The following MRC2 variants were observed in gnomAD, a reference collection of about 807,000 sequenced individuals.
MRC2 encodes the protein C-type mannose receptor 2.
In MRC2, 84 loss-of-function variants were observed where a neutral mutation model predicts 206.2. The ratio of observed to expected loss-of-function variants is 0.41; its 90% CI spans 0.34 to 0.49. The LOEUF is 0.49. Among genes scored for constraint, MRC2 ranks in the 20% least tolerant of loss-of-function variants. The pLI is 0.31. For missense variants in MRC2, 1,676 were observed against 2,001.5 expected (o/e 0.84, Z 3.10); for synonymous variants, 798 against 800.0 (o/e 1.00, Z 0.04).
chr17:62,657,202 A>T (rs1188405298), intron 1 of MRC2, among the ~76,000 whole-genome samples: 1 of 152,332 alleles, frequency 6.6e-6, no homozygotes, highest in South Asian at 2.1e-4. Context: ...ACAGATTGTT[A>T]TCGTTGCCAT....
At position 62,664,656 on chromosome 17, in the gene MRC2, G is replaced by A. The variant is rs773366861; in HGVS notation, c.227G>A (p.Arg76His). Residue 76 changes from arginine (R) to histidine (H), a missense_variant, in exon 2 of 30, where the codon CGC becomes CAC. This residue lies in a region of MRC2 where 318 missense variants were observed against 346.7 expected (regional missense o/e 0.92). Coordinates refer to ENST00000303375, the MANE Select transcript of MRC2 (RefSeq NM_006039.5). This position sits in a 1 kb window ranked among gnomAD's most constrained non-coding sequence, Gnocchi z 4.7. ...PACNTSLPAQRWKWVSRNRLF... is the reference protein window; with the variant it reads ...PACNTSLPAQHWKWVSRNRLF... ...TGCAATACCAGCCTCCCTGCCCAGC[G>A]CTGGAAGTGGGTCTCCCGAAACCGG... The A allele has an allele frequency of 2.8e-5, 45 of 1,613,658 alleles. No homozygotes were observed. In the South Asian group the frequency reaches 3.7e-4, roughly 13 times the overall value.
At chr17:62,645,418 A>G in intron 1 of MRC2, among the ~76,000 whole-genome samples, 1 of 148,524 alleles carries the variant, frequency 6.7e-6, no homozygotes, top group East Asian at 2.0e-4. Flanking sequence ...AAATATATAT[A>G]TATGTGATAT....
intron 23 of MRC2, 113 bp from the exon 24 acceptor site, chr17:62,689,409 G>A (rs376582846): frequency 4.3e-5 from 30 of 693,404 alleles, no homozygotes; most frequent in East Asian, 1.1e-4. Flanking sequence ...GCCAAGCGCC[G>A]AGTCTGGTGG....
chr17:62,658,290 AC>A (rs1388060934), intron 1 of MRC2, among the ~76,000 whole-genome samples: 1 of 152,010 alleles, frequency 6.6e-6, no homozygotes, highest in Non-Finnish European at 1.5e-5. Context: ...GAGGGGAGGG[AC>A]GGTGCTGCGA....
intron 20 of MRC2, 94 bp from the exon 21 acceptor site, chr17:62,688,195 C>G (rs1053095641): frequency 1.8e-6 from 2 of 1,084,820 alleles, no homozygotes; most frequent in Admixed American, 2.0e-5. Context: ...CAAAGGCCCC[C>G]CAGGACCTGC....
intron 8 of MRC2, 109 bp from the exon 9 acceptor site, chr17:62,673,952 TCA>T: frequency 2.4e-6 from 2 of 827,240 alleles, no homozygotes; most frequent in Non-Finnish European, 2.0e-6. Context: ...CATGTCAGAA[TCA>T]CACAGTAAGT....
Position 62,670,804 on chromosome 17 carries a change from A to G in MRC2, c.1118-845A>G, listed in dbSNP as rs534751681. Among the ~76,000 whole-genome samples the G allele has an allele frequency of 1.3e-3, 204 of 152,224 alleles. 1 individual carries two copies. The highest frequency in any genetic ancestry group is 3.4e-3 in the Middle Eastern group (1 of 294). The stretch of plus-strand genomic sequence containing the variant: ...TCCTAATGTTCTCGGTTGCCCGTCC[A>G]CCAAGACCTCAGATTCCTGGTGGGC... On this transcript the variant is annotated intron_variant, in intron 6 of 29. Transcript: ENST00000303375.
At chr17:62,653,483 T>C (rs1387661105) in intron 1 of MRC2, among the ~76,000 whole-genome samples, 1 of 152,102 alleles carries the variant, frequency 6.6e-6, no homozygotes, top group African/African-American at 2.4e-5. Context: ...GTCCCACCTC[T>C]CCACCCATTC....
chr17:62,632,577 T>C (rs985412669), intron 1 of MRC2, among the ~76,000 whole-genome samples: 1 of 152,234 alleles, frequency 6.6e-6, no homozygotes, highest in African/African-American at 2.4e-5. Context: ...TCCAGGCTTC[T>C]GCCCACGCAC....
chr17:62,654,649 G>A (rs1185636773), intron 1 of MRC2, among the ~76,000 whole-genome samples: 1 of 152,086 alleles, frequency 6.6e-6, no homozygotes, highest in Non-Finnish European at 1.5e-5. Context: ...ACTCAGCCTC[G>A]CGACTTCACC....
rs1370399578 is a variant in MRC2, at chr17:62,690,979, C to T, written c.4043C>T (p.Ala1348Val). Residue 1348 changes from alanine (A) to valine (V), a missense_variant, in exon 28 of 30, where the codon GCT becomes GTT. By Grantham distance (64) the Ala-to-Val change is moderately conservative. This residue lies in a region of MRC2 where 1,354 missense variants were observed against 1,636.6 expected (regional missense o/e 0.83). Coordinates refer to ENST00000303375, the MANE Select transcript of MRC2 (RefSeq NM_006039.5). ...GGTLVWQDNT[A>V]VNYSNWGPPG... ...ACTCTGGTCTGGCAGGACAACACAG[C>T]TGTGAACTACTCCAACTGGGGGCCC... 1.2e-6 allele frequency: 2 copies of T among 1,608,382 alleles called. No homozygotes were observed. The highest frequency in any genetic ancestry group is 1.7e-6 in the Non-Finnish European group (2 of 1,178,226).
chr17:62,647,896 C>T (rs2088509423), intron 1 of MRC2, among the ~76,000 whole-genome samples: 2 of 152,164 alleles, frequency 1.3e-5, no homozygotes, highest in East Asian at 1.9e-4. Context: ...AACTACCCAG[C>T]GGGCAGCACG....
chr17:62,680,410 T>G lies in MRC2; in HGVS notation c.2438-8T>G. On this transcript the variant is annotated splice_region_variant and splice_polypyrimidine_tract_variant and intron_variant, in intron 15 of 29. Coordinates refer to ENST00000303375, the MANE Select transcript of MRC2 (RefSeq NM_006039.5). The surrounding 1 kb of genome is among the most constrained non-coding windows in gnomAD (Gnocchi z 4.8). ...TTCCTCACAACGTCTTTGTCCTTGT[T>G]CCCCTAGGTACGGACGTGCGGGAGC... 1 of 1,614,062 alleles carries G rather than the reference T, an allele frequency of 6.2e-7. No homozygotes were observed. Among genetic ancestry groups the G allele is most frequent in the Non-Finnish European group, 8.5e-7 (1 of 1,179,976 alleles).
intron 1 of MRC2, among the ~76,000 whole-genome samples, chr17:62,630,574 G>C (rs1486473540): frequency 1.3e-5 from 2 of 152,154 alleles, no homozygotes; most frequent in Admixed American, 6.5e-5. Flanking sequence ...GAGGTGCCTG[G>C]GAGGCCAGAA....
intron 6 of MRC2, among the ~76,000 whole-genome samples, chr17:62,670,542 T>G (rs976234670): frequency 2.0e-5 from 3 of 152,230 alleles, no homozygotes; most frequent in Admixed American, 6.5e-5. Context: ...AGCATGACAC[T>G]GTGGGTGGTT....
chr17:62,649,324 C>T (rs1430923649), intron 1 of MRC2, among the ~76,000 whole-genome samples: 1 of 152,262 alleles, frequency 6.6e-6, no homozygotes, highest in African/African-American at 2.4e-5. Flanking sequence ...GGCGCAGTGG[C>T]TCATGCCTGT....
chr17:62,662,504 T>C (rs1266108877), intron 1 of MRC2, among the ~76,000 whole-genome samples: 1 of 152,210 alleles, frequency 6.6e-6, no homozygotes, highest in African/African-American at 2.4e-5. Flanking sequence ...CTGTTCCAAA[T>C]GCTTTACATG....
intron 20 of MRC2, among the ~76,000 whole-genome samples, chr17:62,686,785 A>G (rs1172379402): frequency 6.6e-6 from 1 of 152,228 alleles, no homozygotes; most frequent in East Asian, 1.9e-4. Flanking sequence ...GATGAATTCT[A>G]CTCATGATTT....
rs759712103 is a variant in MRC2 at position 62,666,408 on chromosome 17, G to A, written c.695-47G>A. 3 of 1,612,150 alleles carry A rather than the reference G, an allele frequency of 1.9e-6. No individual in the cohort carries two copies. Among genetic ancestry groups the A allele is most frequent in the Admixed American group, 1.7e-5 (1 of 59,938 alleles). ...TTGGTGGGGGAGGGTCTGCACTCCC[G>A]AGGGACCCTGGAGGGGGCCTGAAGG... On this transcript the variant is annotated intron_variant, in intron 3 of 29. Coordinates refer to ENST00000303375, the MANE Select transcript of MRC2 (RefSeq NM_006039.5). The surrounding 1 kb of genome is among the most constrained non-coding windows in gnomAD (Gnocchi z 5.0).
Sources: allele counts gnomAD v4.1 joint callset (sites outside exome capture counted in the v4.1 genomes callset), GRCh38; gene constraint gnomAD v4.1.1; regional missense constraint gnomAD v4.1.1; non-coding constraint Gnocchi (gnomAD v3.1); transcripts MANE v1.5; gene names NCBI Gene and HGNC (gene_info 2026-07-23, HGNC 2026-07-21).